The following RSRC1 variants were observed in gnomAD, a reference collection of about 807,000 sequenced individuals.
The protein encoded by RSRC1 is arginine and serine rich coiled-coil 1, also known as serine/Arginine-related protein 53.
RSRC1 carries 39 observed loss-of-function variants against 49.1 expected under a neutral mutation model. The observed-to-expected ratio is 0.79, with a 90% confidence interval of 0.61 to 1.04. The LOEUF (loss-of-function observed/expected upper bound fraction) is 1.04, where lower values mean the gene tolerates loss of function less well. Ranked by LOEUF, RSRC1 falls within the 50% of genes least tolerant of loss-of-function variation. RSRC1 has a pLI of 0.00. For synonymous variants in RSRC1, 143 were observed against 130.8 expected (o/e 1.09, Z -0.63); for missense variants, 388 against 402.4 (o/e 0.96, Z 0.31).
At chr3:158,122,850 A>T (rs1715369397) in intron 2 of RSRC1, among the ~76,000 whole-genome samples, 1 of 151,874 alleles carries the variant, frequency 6.6e-6, no homozygotes, top group Admixed American at 6.6e-5. Context: ...TGTCCTTGCG[A>T]TAGTTTGCTG....
At chr3:158,449,585 T>C (rs1736904700) in intron 6 of RSRC1, among the ~76,000 whole-genome samples, 1 of 151,842 alleles carries the variant, frequency 6.6e-6, no homozygotes. Flanking sequence ...TTCTGTGCAA[T>C]ATGCTGTGAG....
intron 6 of RSRC1, among the ~76,000 whole-genome samples, chr3:158,373,521 G>T (rs1732192220): frequency 1.3e-5 from 2 of 151,862 alleles, no homozygotes; most frequent in African/African-American, 4.8e-5. Context: ...TTGATACGTT[G>T]CATTTCATTG....
chr3:158,479,077 T>A, intron 7 of RSRC1, among the ~76,000 whole-genome samples: 1 of 151,178 alleles, frequency 6.6e-6, no homozygotes, highest in South Asian at 2.1e-4. Flanking sequence ...CCAGTGATGA[T>A]AGATTTTTTA....
chr3:158,324,858 AG>A (rs1001247875), intron 5 of RSRC1, among the ~76,000 whole-genome samples: 21 of 152,334 alleles, frequency 1.4e-4, no homozygotes, highest in Middle Eastern at 3.4e-3. Flanking sequence ...ACAGTGTAAA[AG>A]TGTTCCTATT....
rs1414789719 is a variant in RSRC1 at position 158,544,615 on chromosome 3, T to C, written c.*340T>C. 2 of 164,708 alleles carry C rather than the reference T, an allele frequency of 1.2e-5. No individual in the cohort carries two copies. The highest frequency in any genetic ancestry group is 4.8e-5 in the African/African-American group (2 of 41,786). 10.2% of individuals were successfully genotyped at this position (164,708 alleles called of 1,614,324 possible). A position where few individuals can be genotyped will look rare whatever the true frequency, so the allele number is the denominator to read the frequency against. On this transcript the variant is annotated 3_prime_UTR_variant, in exon 10 of 10. Transcript: ENST00000611884. ...ATTTAAAGACACAATTTTGATTAAT[T>C]ATGCATACATGAGAATTGAATTACA...
intron 4 of RSRC1, among the ~76,000 whole-genome samples, chr3:158,274,852 C>T (rs568211461): frequency 1.6e-4 from 25 of 152,250 alleles, no homozygotes; most frequent in African/African-American, 6.0e-4. Context: ...GGTTGGAAAC[C>T]ATGCACTTGT....
intron 7 of RSRC1, among the ~76,000 whole-genome samples, chr3:158,471,453 A>G (rs1054046343): frequency 2.6e-5 from 4 of 152,192 alleles, no homozygotes; most frequent in African/African-American, 7.2e-5. Context: ...AGCAAAAGCA[A>G]CAGTAATGAT....
chr3:158,276,089 C>T, intron 4 of RSRC1: 1 of 884,500 alleles, frequency 1.1e-6, no homozygotes, highest in East Asian at 2.4e-5. Flanking sequence ...ACTCTTAGAG[C>T]CCCACAGTGG....
Position 158,544,688 on chromosome 3 carries a change from T to A in RSRC1, c.*413T>A, listed in dbSNP as rs1713226656. On this transcript the variant is annotated 3_prime_UTR_variant, in exon 10 of 10. Coordinates refer to ENST00000611884, the MANE Select transcript of RSRC1 (RefSeq NM_001271838.2). ...CTTCCGTATGGTATTCAACCATTTT[T>A]AAATATTTTATTTCACCATATTGCA... 1 of 152,574 alleles carries A rather than the reference T, an allele frequency of 6.6e-6. No individual in the cohort carries two copies. Among genetic ancestry groups the A allele is most frequent in the African/African-American group, 2.4e-5 (1 of 41,462 alleles). The allele number at this position is 152,574 out of a possible 1,614,324, so 9.5% of individuals were successfully genotyped here. A position where few individuals can be genotyped will look rare whatever the true frequency, so the allele number is the denominator to read the frequency against.
chr3:158,277,525 T>C (rs533915374), intron 4 of RSRC1, among the ~76,000 whole-genome samples: 2 of 152,314 alleles, frequency 1.3e-5, no homozygotes, highest in African/African-American at 4.8e-5. Flanking sequence ...GGAAATTTTC[T>C]TTACACTTGC....
chr3:158,348,718 AC>A (rs931709090), intron 5 of RSRC1, among the ~76,000 whole-genome samples: 1 of 151,560 alleles, frequency 6.6e-6, no homozygotes, highest in African/African-American at 2.4e-5. Flanking sequence ...GTAACTTTTC[AC>A]CCCTCACTCC....
intron 1 of RSRC1, among the ~76,000 whole-genome samples, chr3:158,111,295 CT>C (rs1389952406): frequency 6.6e-6 from 1 of 152,148 alleles, no homozygotes; most frequent in African/African-American, 2.4e-5. Flanking sequence ...TGATATAACA[CT>C]TTATGTTTTT....
rs370195519 is a variant in RSRC1 at position 158,461,020 on chromosome 3, A to G, written c.652+17A>G. ...AGGAGGAAGGTAAAGGCATGTGTTC[A>G]TTTTTCTCTGAGAAATCACTATTTG... On this transcript the variant is annotated intron_variant, in intron 7 of 9. Coordinates refer to ENST00000611884, the MANE Select transcript of RSRC1 (RefSeq NM_001271838.2). 1.3e-6 allele frequency: 2 copies of G among 1,573,756 alleles called. No individual in the cohort carries two copies. Among genetic ancestry groups the G allele is most frequent in the African/African-American group, 2.7e-5 (2 of 73,620 alleles).
At chr3:158,364,743 A>G (rs1731663032) in intron 6 of RSRC1, among the ~76,000 whole-genome samples, 1 of 151,644 alleles carries the variant, frequency 6.6e-6, no homozygotes, top group African/African-American at 2.4e-5. Context: ...CCTAGCTCTC[A>G]TCTTTACTGA....
chr3:158,504,153 TG>T (rs1739740223), intron 7 of RSRC1, among the ~76,000 whole-genome samples: 1 of 152,078 alleles, frequency 6.6e-6, no homozygotes, highest in Non-Finnish European at 1.5e-5. Flanking sequence ...GTTTCTCCAG[TG>T]GGGGTGTGTG....
intron 6 of RSRC1, among the ~76,000 whole-genome samples, chr3:158,428,358 T>C (rs182369863): frequency 1.3e-5 from 2 of 151,964 alleles, no homozygotes; most frequent in African/African-American, 4.8e-5. Context: ...ATTAAAGGGA[T>C]GAGGGCACTA....
intron 5 of RSRC1, among the ~76,000 whole-genome samples, chr3:158,337,416 C>T (rs761045665): frequency 1.3e-5 from 2 of 152,180 alleles, no homozygotes; most frequent in Non-Finnish European, 2.9e-5. Context: ...GGGAGAACTG[C>T]CAATCCGAGA....
At chr3:158,517,733 T>C (rs1471963306) in intron 7 of RSRC1, among the ~76,000 whole-genome samples, 1 of 148,176 alleles carries the variant, frequency 6.7e-6, no homozygotes, top group Non-Finnish European at 1.5e-5. Context: ...AAACTATAGG[T>C]GTATACCACA....
At chr3:158,543,296 G>T in intron 8 of RSRC1, 39 bp from the exon 9 acceptor site, 2 of 1,439,346 alleles carry the variant, frequency 1.4e-6, no homozygotes, top group South Asian at 1.7e-5. Flanking sequence ...AACTCTAATT[G>T]TGTATTGTGT....
Sources: gnomAD v4.1 joint callset for allele counts (sites outside exome capture counted in the v4.1 genomes callset) on GRCh38, gnomAD v4.1.1 for gene constraint, MANE v1.5 for transcripts, NCBI Gene and HGNC (gene_info 2026-07-23, HGNC 2026-07-21) for gene names.